GUF1: variants seen among roughly 807,000 people sequenced by gnomAD.
GUF1 encodes translation factor GUF1, mitochondrial.
In GUF1, 78 loss-of-function variants were observed where a neutral mutation model predicts 82.4. The observed-to-expected ratio is 0.95, with a 90% CI of 0.79 to 1.14. The LOEUF (loss-of-function observed/expected upper bound fraction) is 1.14. GUF1 is among the 50% of genes most tolerant of loss of function. GUF1 has a pLI of 0.00. For missense variants in GUF1, 814 were observed against 798.2 expected (o/e 1.02, Z -0.24); for synonymous variants, 279 against 282.3 (o/e 0.99, Z 0.12).
Position 44,678,758 on chromosome 4 carries a change from G to C in GUF1, c.136G>C (p.Asp46His). The C allele has an allele frequency of 6.4e-7, 1 of 1,551,730 alleles. No homozygotes were observed. The change falls in exon 1 of 17, where the codon GAC becomes CAC. Residue 46 changes from aspartate to histidine, a missense_variant. Transcript: ENST00000281543. ...LGAAPESWAT[D>H]RLYSSAEFKE... ...GGCTGCTCCAGAGTCCTGGGCTACC[G>C]ACAGGCTCTACAGCTCCGCAGAATT...
In GUF1 at chr4:44,686,022, C is replaced by T. The variant is rs866754968; in HGVS notation, c.733C>T (p.Pro245Ser). 7 of 1,597,574 alleles carry T rather than the reference C, an allele frequency of 4.4e-6. No individual in the cohort carries two copies. Among genetic ancestry groups the T allele is most frequent in the Middle Eastern group, 1.7e-4 (1 of 6,004 alleles). Reference sequence around the variant, plus strand: ...TCAGGCAATTATTGAAAGAATCCCCCCGTGAGTATTTGGTGATTTTTGTAC... The same window carrying T: ...TCAGGCAATTATTGAAAGAATCCCCTCGTGAGTATTTGGTGATTTTTGTAC... Reference protein sequence around the residue: ...VLQAIIERIPPPKVHRKNPLR... With the variant: ...VLQAIIERIPSPKVHRKNPLR... The change falls in exon 7 of 17, where the codon CCT (proline) becomes TCT (serine). Residue 245 changes from proline to serine, a missense_variant and splice_region_variant. Pro to Ser is a moderately conservative substitution (Grantham distance 74). Transcript: ENST00000281543.
rs768294758 is a variant in GUF1, at chr4:44,678,602, G to C, written c.-21G>C. ...CTGTTGCGTGTGGGTACCCTCTCCT[G>C]ACGCCTCCGCCGCCCGGGTCATGTG... On this transcript the variant is annotated 5_prime_UTR_variant, in exon 1 of 17. It removes the in-frame stop codon of an upstream open reading frame in the 5' UTR. Coordinates refer to ENST00000281543, the MANE Select transcript of GUF1 (RefSeq NM_021927.3). 1 of 1,444,134 alleles carries C rather than the reference G, an allele frequency of 6.9e-7. No individual in the cohort carries two copies. Among genetic ancestry groups the C allele is most frequent in the Admixed American group, 3.1e-5 (1 of 32,594 alleles). 89.5% of individuals were successfully genotyped at this position (1,444,134 alleles called of 1,614,324 possible).
chr4:44,690,867 C>G lies in GUF1; in HGVS notation c.1479+7C>G. 2 of 1,575,730 alleles carry G rather than the reference C, an allele frequency of 1.3e-6. No homozygotes were observed. Among genetic ancestry groups the G allele is most frequent in the Non-Finnish European group, 1.7e-6 (2 of 1,160,992 alleles). On this transcript the variant is annotated splice_region_variant and intron_variant, in intron 12 of 16. Transcript: ENST00000281543. The stretch of plus-strand genomic sequence containing the variant: ...AATAATGATGCTTTGCGAGGTATAA[C>G]TATAATACAATTTAATACAAAATTA...
intron 4 of GUF1, 105 bp from the exon 5 acceptor site, chr4:44,682,229 A>C: frequency 1.9e-6 from 1 of 529,180 alleles, no homozygotes; most frequent in Non-Finnish European, 3.3e-6. Context: ...TTATTAGCAT[A>C]ACGCAAAATC....
At chr4:44,697,504 G>A in intron 16 of GUF1, 60 bp downstream of exon 16, 1 of 842,136 alleles carries the variant, frequency 1.2e-6, no homozygotes, top group Non-Finnish European at 1.9e-6. Context: ...AATCAAAGGG[G>A]GCATAAACTT....
intron 15 of GUF1, among the ~76,000 whole-genome samples, chr4:44,696,118 T>G (rs988485006): frequency 6.6e-6 from 1 of 152,212 alleles, no homozygotes; most frequent in Non-Finnish European, 1.5e-5. Context: ...TTACAATTTT[T>G]TTTTAACCCA....
intron 6 of GUF1, among the ~76,000 whole-genome samples, chr4:44,684,327 A>G (rs1714932467): frequency 6.6e-6 from 1 of 152,110 alleles, no homozygotes; most frequent in African/African-American, 2.4e-5. Context: ...TTTTCAGAAA[A>G]ACATTCCAGG....
chr4:44,679,627 T>G (rs1427644162), intron 1 of GUF1, among the ~76,000 whole-genome samples: 2 of 152,204 alleles, frequency 1.3e-5, no homozygotes, highest in Non-Finnish European at 2.9e-5. Flanking sequence ...AATTAGTTTT[T>G]TTTCGGCAGA....
chr4:44,695,324 CTG>C (rs1238367369), intron 14 of GUF1, among the ~76,000 whole-genome samples: 3 of 152,278 alleles, frequency 2.0e-5, no homozygotes, highest in East Asian at 3.9e-4. Flanking sequence ...AGAAAGATAA[CTG>C]TTTAAAATAA....
At chr4:44,680,999 G>T (rs1714740823) in intron 3 of GUF1, 124 bp from the exon 4 acceptor site, 2 of 1,103,798 alleles carry the variant, frequency 1.8e-6, no homozygotes, top group East Asian at 2.4e-5. Context: ...TTTCAAAAGT[G>T]CAGGCTACAA....
intron 11 of GUF1, 33 bp downstream of exon 11, chr4:44,690,008 GT>G: frequency 6.8e-7 from 1 of 1,476,014 alleles, no homozygotes; most frequent in Non-Finnish European, 9.1e-7. Context: ...ATTTAGTACT[GT>G]TTTGCATTAG....
chr4:44,683,259 G>A lies in GUF1; in HGVS notation c.610G>A (p.Glu204Lys). The part of the protein sequence containing the change: ...NKIDLKNADP[E>K]RVENQIEKVF... The stretch of plus-strand genomic sequence containing the variant: ...GATAGATCTGAAGAATGCTGATCCT[G>A]AAAGGGTTGAAAACCAAATTGAGAA... Residue 204 changes from glutamate to lysine, a missense_variant, in exon 6 of 17, where the codon GAA becomes AAA. By Grantham distance (56) the Glu-to-Lys change is moderately conservative. Transcript: ENST00000281543. 1 of 1,584,072 alleles carries A rather than the reference G, an allele frequency of 6.3e-7. No individual in the cohort carries two copies. Among genetic ancestry groups the A allele is most frequent in the Non-Finnish European group, 8.6e-7 (1 of 1,165,656 alleles).
In GUF1 at chr4:44,683,264, G is replaced by A. The variant is rs753348196; in HGVS notation, c.615G>A (p.Arg205=). 1.3e-6 allele frequency: 2 copies of A among 1,585,952 alleles called. No homozygotes were observed. Among genetic ancestry groups the A allele is most frequent in the African/African-American group, 2.7e-5 (2 of 72,832 alleles). ...KIDLKNADPE[R]VENQIEKVFD... Reference sequence around the variant, plus strand: ...ATCTGAAGAATGCTGATCCTGAAAGGGTTGAAAACCAAATTGAGAAAGTGT... The same window carrying A: ...ATCTGAAGAATGCTGATCCTGAAAGAGTTGAAAACCAAATTGAGAAAGTGT... Residue 205 remains arginine, a synonymous_variant, in exon 6 of 17, where the codon AGG becomes AGA. Coordinates refer to ENST00000281543, the MANE Select transcript of GUF1 (RefSeq NM_021927.3).
intron 2 of GUF1, 58 bp from the exon 3 acceptor site, chr4:44,680,636 A>G: frequency 2.1e-6 from 3 of 1,438,036 alleles, no homozygotes; most frequent in Non-Finnish European, 2.8e-6. Context: ...TTTTATAAGT[A>G]ATATTCTCTT....
chr4:44,679,527 GA>G (rs1480654842), intron 1 of GUF1, among the ~76,000 whole-genome samples: 4 of 152,098 alleles, frequency 2.6e-5, no homozygotes, highest in Non-Finnish European at 4.4e-5. Flanking sequence ...TTTAAAAATG[GA>G]TTTATATTGC....
At chr4:44,687,340 G>A (rs1237315138) in intron 8 of GUF1, among the ~76,000 whole-genome samples, 1 of 151,822 alleles carries the variant, frequency 6.6e-6, no homozygotes, top group East Asian at 1.9e-4. Flanking sequence ...AGTGTTTAGT[G>A]TTATATGTCT....
chr4:44,687,246 C>G (rs923356460), intron 8 of GUF1, among the ~76,000 whole-genome samples: 6 of 151,866 alleles, frequency 4.0e-5, no homozygotes, highest in Non-Finnish European at 8.8e-5. Flanking sequence ...GAGGCATGAC[C>G]TTGGGTACAT....
intron 15 of GUF1, among the ~76,000 whole-genome samples, chr4:44,696,292 A>G (rs1577783109): frequency 1.3e-5 from 2 of 152,274 alleles, no homozygotes; most frequent in East Asian, 3.9e-4. Flanking sequence ...CTTTCATGAA[A>G]TGTAATACAT....
intron 13 of GUF1, chr4:44,694,108 G>T: frequency 3.4e-6 from 1 of 297,898 alleles, no homozygotes; most frequent in South Asian, 3.5e-5. Context: ...CCTCCCAGCT[G>T]CTGGGAACAT....
Sources: allele counts gnomAD v4.1 joint callset (sites outside exome capture counted in the v4.1 genomes callset), GRCh38; gene constraint gnomAD v4.1.1; transcripts MANE v1.5; gene names NCBI Gene and HGNC (gene_info 2026-07-23, HGNC 2026-07-21).